KDM4C: variants seen among roughly 807,000 people sequenced by gnomAD.
KDM4C encodes lysine demethylase 4C.
KDM4C carries 81 observed loss-of-function variants against 129.3 expected under a neutral mutation model. The observed-to-expected ratio is 0.63, with a 90% CI of 0.52 to 0.75. KDM4C has a LOEUF of 0.75. KDM4C is among the 30% of genes least tolerant of loss of function. KDM4C has a pLI of 0.00. For synonymous variants in KDM4C, 573 were observed against 456.1 expected (o/e 1.26, Z -3.26); for missense variants, 1,457 against 1,304.0 (o/e 1.12, Z -1.81).
intron 3 of KDM4C, among the ~76,000 whole-genome samples, chr9:6,813,866 G>A (rs180901936): frequency 1.3e-5 from 2 of 152,228 alleles, no homozygotes; most frequent in African/African-American, 4.8e-5. Flanking sequence ...ACTGTGGATA[G>A]AATTTGATGT....
chr9:6,948,528 G>T (rs1348210368), intron 8 of KDM4C, among the ~76,000 whole-genome samples: 5 of 138,034 alleles, frequency 3.6e-5, no homozygotes, highest in Admixed American at 7.6e-5. Context: ...GGTGTTTCTC[G>T]CAGAGGGGGA....
At chr9:6,807,770 C>T (rs1244493713) in intron 3 of KDM4C, among the ~76,000 whole-genome samples, 2 of 145,830 alleles carry the variant, frequency 1.4e-5, no homozygotes, top group Non-Finnish European at 3.0e-5. Context: ...GCCCGGCAGC[C>T]ACCCCGTCTG....
chr9:7,038,519 A>C (rs576427911), intron 15 of KDM4C, among the ~76,000 whole-genome samples: 5 of 152,040 alleles, frequency 3.3e-5, no homozygotes, highest in African/African-American at 1.2e-4. Context: ...TTACTGTTTG[A>C]AATTTTAAGC....
At chr9:6,891,098 A>C (rs2130879120) in intron 7 of KDM4C, among the ~76,000 whole-genome samples, 1 of 152,340 alleles carries the variant, frequency 6.6e-6, no homozygotes, top group South Asian at 2.1e-4. Context: ...TCAGTGGTGA[A>C]AGGTATCAGA....
intron 11 of KDM4C, chr9:6,986,923 C>T (rs1817821954): frequency 4.8e-6 from 2 of 413,170 alleles, no homozygotes; most frequent in Admixed American, 8.0e-5. Context: ...AAAAATTAAA[C>T]TCTTTACTTT....
intron 8 of KDM4C, among the ~76,000 whole-genome samples, chr9:6,954,806 C>T (rs773384790): frequency 2.6e-5 from 4 of 152,176 alleles, no homozygotes; most frequent in Admixed American, 6.5e-5. Flanking sequence ...TACCCACTCC[C>T]TATTTCATGG....
intron 19 of KDM4C, among the ~76,000 whole-genome samples, chr9:7,142,396 G>A (rs1841835754): frequency 6.6e-6 from 1 of 152,136 alleles, no homozygotes; most frequent in South Asian, 2.1e-4. Flanking sequence ...TTACAGGTGT[G>A]AGCCACCACA....
intron 8 of KDM4C, among the ~76,000 whole-genome samples, chr9:6,897,356 TCC>T (rs945535127): frequency 3.3e-4 from 50 of 152,318 alleles, no homozygotes; most frequent in African/African-American, 1.1e-3. Flanking sequence ...CTTACCATTC[TCC>T]TCTCATTTCT....
At chr9:6,750,884 C>T (rs1211420424) in intron 1 of KDM4C, among the ~76,000 whole-genome samples, 1 of 152,142 alleles carries the variant, frequency 6.6e-6, no homozygotes, top group Non-Finnish European at 1.5e-5. Context: ...CTTGTGGCTG[C>T]ATTCAGTAGG....
In KDM4C at chr9:7,011,639, A is replaced by G. The variant is rs912375728; in HGVS notation, c.1787-59A>G. Reference sequence around the variant, plus strand: ...TGGAATGTTTATTTCTTTTGTACTCAGGGTGATTGTTTTCCCTGGTTCCCA... The same window carrying G: ...TGGAATGTTTATTTCTTTTGTACTCGGGGTGATTGTTTTCCCTGGTTCCCA... On this transcript the variant is annotated intron_variant, in intron 12 of 21. Transcript: ENST00000381309. 6.3e-6 allele frequency: 9 copies of G among 1,435,992 alleles called. 1 individual carries two copies. In the South Asian group the frequency reaches 9.3e-5, roughly 15 times the overall value. The allele number at this position is 1,435,992 out of a possible 1,614,324, so 89.0% of individuals were successfully genotyped here.
intron 1 of KDM4C, among the ~76,000 whole-genome samples, chr9:6,746,646 A>T (rs1817885794): frequency 7.0e-6 from 1 of 143,222 alleles, no homozygotes. Context: ...TTGGGACACC[A>T]AGGTGGGAGG....
chr9:7,033,443 T>G (rs1827121199), intron 15 of KDM4C, among the ~76,000 whole-genome samples: 1 of 152,206 alleles, frequency 6.6e-6, no homozygotes, highest in Admixed American at 6.5e-5. Flanking sequence ...CAGATTATTC[T>G]GAATTGCTGC....
At chr9:6,785,460 C>T (rs1825285276) in intron 1 of KDM4C, among the ~76,000 whole-genome samples, 1 of 152,140 alleles carries the variant, frequency 6.6e-6, no homozygotes, top group South Asian at 2.1e-4. Context: ...CCTCAGCCTC[C>T]CCAGTAGCTG....
chr9:7,086,258 A>G (rs183292355), intron 17 of KDM4C, among the ~76,000 whole-genome samples: 1 of 152,230 alleles, frequency 6.6e-6, no homozygotes, highest in Non-Finnish European at 1.5e-5. Context: ...TCTGTATTTT[A>G]TAACTCCACT....
intron 5 of KDM4C, among the ~76,000 whole-genome samples, chr9:6,872,803 A>G (rs1422558756): frequency 6.6e-6 from 1 of 152,164 alleles, no homozygotes; most frequent in Non-Finnish European, 1.5e-5. Context: ...AGCACAGGCA[A>G]AGTAGGTTTA....
At chr9:6,802,172 A>T (rs1427565904) in intron 2 of KDM4C, among the ~76,000 whole-genome samples, 1 of 152,062 alleles carries the variant, frequency 6.6e-6, no homozygotes, top group Non-Finnish European at 1.5e-5. Context: ...TTCTTCATTT[A>T]TTCGGAAAAT....
chr9:7,091,677 A>G (rs532140192), intron 17 of KDM4C, among the ~76,000 whole-genome samples: 1 of 152,340 alleles, frequency 6.6e-6, no homozygotes, highest in African/African-American at 2.4e-5. Context: ...TTTCCATAAA[A>G]ATAAATCTGA....
At chr9:6,931,871 A>G (rs1479336042) in intron 8 of KDM4C, among the ~76,000 whole-genome samples, 1 of 152,242 alleles carries the variant, frequency 6.6e-6, no homozygotes, top group Non-Finnish European at 1.5e-5. Context: ...TATAAAAACT[A>G]TATCAACCTA....
intron 15 of KDM4C, among the ~76,000 whole-genome samples, chr9:7,021,000 T>C (rs917897885): frequency 4.6e-5 from 7 of 151,746 alleles, no homozygotes; most frequent in African/African-American, 1.7e-4. Flanking sequence ...TAGCCTCTGG[T>C]AACCATCCTC....
Sources: gnomAD v4.1 joint callset for allele counts (sites outside exome capture counted in the v4.1 genomes callset) on GRCh38, gnomAD v4.1.1 for gene constraint, MANE v1.5 for transcripts, NCBI Gene and HGNC (gene_info 2026-07-23, HGNC 2026-07-21) for gene names.